The following IL1RAPL2 variants were observed in gnomAD, a reference collection of about 807,000 sequenced individuals.
IL1RAPL2 encodes X-linked interleukin-1 receptor accessory protein-like 2.
Under a neutral mutation model 44.1 loss-of-function variants are expected in IL1RAPL2, and 3 were observed. The observed-to-expected ratio is 0.07, with a 90% CI of 0.03 to 0.18. The LOEUF (loss-of-function observed/expected upper bound fraction) is 0.18, where lower values mean the gene tolerates loss of function less well. IL1RAPL2 is among the 10% of genes least tolerant of loss of function. IL1RAPL2 has a pLI of 1.00. For missense variants in IL1RAPL2, 391 were observed against 496.4 expected (o/e 0.79, Z 2.02); for synonymous variants, 181 against 178.8 (o/e 1.01, Z -0.10).
chrX:104,943,007 C>T lies in IL1RAPL2; in HGVS notation c.83-252468C>T, dbSNP rs189592330. On this transcript the variant is annotated intron_variant, in intron 2 of 10. Transcript: ENST00000372582. ...ATGGTGGATTACATTTATTGATTTG[C>T]GTATATTGAACCAGCCTTGCATCCC... 2.9e-3 allele frequency among the ~76,000 whole-genome samples: 321 copies of T among 111,170 alleles called. 1 individual carries two copies. The highest frequency in any genetic ancestry group is 3.0e-3 in the Non-Finnish European group (160 of 53,023).
chrX:105,217,143 A>C, intron 3 of IL1RAPL2, among the ~76,000 whole-genome samples: 1 of 106,231 alleles, frequency 9.4e-6, no homozygotes, highest in East Asian at 3.0e-4. Flanking sequence ...CAGCAAAAGA[A>C]ACTACCATCA....
chrX:104,954,867 C>T (rs1925673819), intron 2 of IL1RAPL2, among the ~76,000 whole-genome samples: 1 of 113,010 alleles, frequency 8.8e-6, no homozygotes, highest in South Asian at 3.6e-4. Flanking sequence ...CAAAAATGAG[C>T]CTGTGGTGGA....
intron 2 of IL1RAPL2, among the ~76,000 whole-genome samples, chrX:105,165,699 C>A (rs1316204370): frequency 8.9e-6 from 1 of 112,177 alleles, no homozygotes; most frequent in Admixed American, 9.5e-5. Context: ...CCCATATGCT[C>A]TAGCCATATG....
At chrX:105,746,464 G>T (rs1323137172) in intron 8 of IL1RAPL2, among the ~76,000 whole-genome samples, 1 of 111,917 alleles carries the variant, frequency 8.9e-6, no homozygotes, top group Non-Finnish European at 1.9e-5. Context: ...TGTCATTAGG[G>T]TGATGGCAAT....
At chrX:104,906,969 A>T (rs1348285263) in intron 2 of IL1RAPL2, among the ~76,000 whole-genome samples, 4 of 111,448 alleles carry the variant, frequency 3.6e-5, no homozygotes, top group Non-Finnish European at 7.5e-5. Context: ...GATTATTGCC[A>T]CAATTTCAGC....
At chrX:104,819,255 C>T (rs753083697) in intron 2 of IL1RAPL2, among the ~76,000 whole-genome samples, 1 of 112,256 alleles carries the variant, frequency 8.9e-6, no homozygotes, top group Non-Finnish European at 1.9e-5. Flanking sequence ...TAGTTCCCAA[C>T]TTATGATGGT....
chrX:104,740,202 G>T (rs1017115559), intron 2 of IL1RAPL2, among the ~76,000 whole-genome samples: 3 of 111,081 alleles, frequency 2.7e-5, no homozygotes, highest in African/African-American at 9.8e-5. Context: ...CCTTTTTGCA[G>T]AGTTCTAGTA....
At chrX:105,319,966 G>A (rs1184779267) in intron 5 of IL1RAPL2, among the ~76,000 whole-genome samples, 1 of 111,320 alleles carries the variant, frequency 9.0e-6, no homozygotes, top group Non-Finnish European at 1.9e-5. Flanking sequence ...AAAATGGAAG[G>A]GGGCAGAACT....
chrX:105,753,018 AC>A lies in IL1RAPL2; in HGVS notation c.1193-2158del, dbSNP rs1319436450. 16 of 329,338 alleles carry A rather than the reference AC, an allele frequency of 4.9e-5. No homozygotes were observed. In the Admixed American group the frequency reaches 5.0e-4, roughly 10 times the overall value. 27.1% of individuals were successfully genotyped at this position (329,338 alleles called of 1,213,427 possible). ...TAATCCAGATGTGTTGGGTGTTAATACGTACCAAGGACATGCATGCTCTTTG... is the reference window on the plus strand; with the variant it reads ...TAATCCAGATGTGTTGGGTGTTAATAGTACCAAGGACATGCATGCTCTTTG... On this transcript the variant is annotated intron_variant, in intron 9 of 10. Coordinates refer to ENST00000372582, the MANE Select transcript of IL1RAPL2 (RefSeq NM_017416.2).
At position 104,721,300 on chromosome X, in the gene IL1RAPL2, C is replaced by A. The variant is rs1022116019; in HGVS notation, c.82+62305C>A. Among the ~76,000 whole-genome samples the A allele has an allele frequency of 3.6e-5, 4 of 111,390 alleles. No homozygotes were observed. The Admixed American group carries it at 3.8e-4, about 11-fold the overall frequency. ...AGCCCAGATGCCCATCAATGATAGA[C>A]TGGATGAAGAAGGCATGGTGCATAT... On this transcript the variant is annotated intron_variant, in intron 2 of 10. Coordinates refer to ENST00000372582, the MANE Select transcript of IL1RAPL2 (RefSeq NM_017416.2).
chrX:105,245,494 C>T (rs1257094870), intron 4 of IL1RAPL2, among the ~76,000 whole-genome samples: 1 of 112,047 alleles, frequency 8.9e-6, no homozygotes, highest in African/African-American at 3.2e-5. Context: ...ATCTGAACTG[C>T]ATCAGTTATC....
chrX:104,637,392 C>T (rs1929836939), intron 1 of IL1RAPL2, among the ~76,000 whole-genome samples: 1 of 111,439 alleles, frequency 9.0e-6, no homozygotes, highest in East Asian at 2.8e-4. Context: ...CATCCTTGTT[C>T]CAGTTCCCAG....
chrX:105,187,000 T>C (rs1260555213), intron 2 of IL1RAPL2, among the ~76,000 whole-genome samples: 4 of 111,867 alleles, frequency 3.6e-5, no homozygotes, highest in African/African-American at 1.3e-4. Context: ...CACCAACCCT[T>C]AACTGCTTAC....
chrX:105,394,798 T>C (rs2035550418), intron 5 of IL1RAPL2, among the ~76,000 whole-genome samples: 1 of 111,293 alleles, frequency 9.0e-6, no homozygotes, highest in Non-Finnish European at 1.9e-5. Context: ...TGCTCATTCC[T>C]ACATCCAAGA....
intron 2 of IL1RAPL2, among the ~76,000 whole-genome samples, chrX:104,886,490 C>T (rs1923247635): frequency 8.9e-6 from 1 of 112,229 alleles, no homozygotes. Flanking sequence ...AAGCCTTAGG[C>T]TTAGTAAGGA....
intron 6 of IL1RAPL2, among the ~76,000 whole-genome samples, chrX:105,557,084 C>T (rs375530964): frequency 2.7e-5 from 3 of 111,661 alleles, no homozygotes; most frequent in Non-Finnish European, 3.8e-5. Flanking sequence ...TGTTTGAAGT[C>T]GAAAGTCTTT....
intron 2 of IL1RAPL2, among the ~76,000 whole-genome samples, chrX:104,845,844 GTCCCTCCA>G (rs755795101): frequency 9.0e-6 from 1 of 111,513 alleles, no homozygotes; most frequent in East Asian, 2.8e-4. Context: ...GGTTTTCATT[GTCCCTCCA>G]TGCCAAGATG....
chrX:104,814,942 A>T (rs1921096225), intron 2 of IL1RAPL2, among the ~76,000 whole-genome samples: 1 of 112,030 alleles, frequency 8.9e-6, no homozygotes, highest in Admixed American at 9.5e-5. Context: ...TGAAAGGGAC[A>T]GATGTCACTT....
intron 2 of IL1RAPL2, among the ~76,000 whole-genome samples, chrX:104,839,354 T>C (rs1015160809): frequency 1.3e-4 from 15 of 111,914 alleles, no homozygotes; most frequent in African/African-American, 4.9e-4. Flanking sequence ...CACGTGTTTT[T>C]GTCATTGGTT....
Sources: gnomAD v4.1 joint callset for allele counts (sites outside exome capture counted in the v4.1 genomes callset) on GRCh38, gnomAD v4.1.1 for gene constraint, MANE v1.5 for transcripts, NCBI Gene and HGNC (gene_info 2026-07-23, HGNC 2026-07-21) for gene names.